The following SP4 variants were observed in gnomAD, a reference collection of about 807,000 sequenced individuals.
The protein encoded by SP4 is transcription factor Sp4.
Under a neutral mutation model 72.8 loss-of-function variants are expected in SP4, and 19 were observed. The ratio of observed to expected loss-of-function variants is 0.26; its 90% CI spans 0.18 to 0.38. SP4 has a LOEUF of 0.38. SP4 is among the 10% of genes least tolerant of loss of function. The pLI, the probability that SP4 is intolerant of heterozygous loss-of-function variation, is 1.00. For missense variants in SP4, 1,008 were observed against 926.3 expected (o/e 1.09, Z -1.14); for synonymous variants, 395 against 333.1 (o/e 1.19, Z -2.02).
At chr7:21,476,685 G>T (rs964042107) in intron 3 of SP4, among the ~76,000 whole-genome samples, 2 of 152,108 alleles carry the variant, frequency 1.3e-5, no homozygotes, top group African/African-American at 4.8e-5. Context: ...GTTGCTTACC[G>T]TGGAAATGGT....
At chr7:21,446,668 G>A (rs1783436717) in intron 3 of SP4, among the ~76,000 whole-genome samples, 1 of 152,128 alleles carries the variant, frequency 6.6e-6, no homozygotes, top group Non-Finnish European at 1.5e-5. Context: ...CAAATATGTA[G>A]GTACTAAATC....
chr7:21,441,137 A>C (rs1470710760), intron 3 of SP4, among the ~76,000 whole-genome samples: 1 of 152,234 alleles, frequency 6.6e-6, no homozygotes, highest in Non-Finnish European at 1.5e-5. Context: ...GTTAGTGGGG[A>C]GTAAACAAGA....
At chr7:21,462,291 A>G (rs1784020061) in intron 3 of SP4, among the ~76,000 whole-genome samples, 2 of 152,122 alleles carry the variant, frequency 1.3e-5, no homozygotes, top group Non-Finnish European at 1.5e-5. Context: ...TTTCGGGACC[A>G]TAGTATTGAC....
intron 3 of SP4, among the ~76,000 whole-genome samples, chr7:21,459,665 C>T (rs1478140458): frequency 6.6e-6 from 1 of 152,192 alleles, no homozygotes; most frequent in Non-Finnish European, 1.5e-5. Flanking sequence ...ATACCTGATT[C>T]TGTGATTGCC....
At chr7:21,446,858 A>G (rs1008020307) in intron 3 of SP4, among the ~76,000 whole-genome samples, 2 of 151,778 alleles carry the variant, frequency 1.3e-5, no homozygotes, top group Non-Finnish European at 2.9e-5. Flanking sequence ...CTGGGTTCCA[A>G]AAAATGTTTT....
At chr7:21,476,080 G>A (rs187446938) in intron 3 of SP4, among the ~76,000 whole-genome samples, 1 of 152,038 alleles carries the variant, frequency 6.6e-6, no homozygotes, top group East Asian at 1.9e-4. Flanking sequence ...AGACCAGCCT[G>A]GCAAACATGG....
chr7:21,511,257 G>A lies in SP4; in HGVS notation c.2343G>A (p.Met781Ile), dbSNP rs771495904. 1 of 1,613,874 alleles carries A rather than the reference G, an allele frequency of 6.2e-7. No individual in the cohort carries two copies. Among genetic ancestry groups the A allele is most frequent in the Non-Finnish European group, 8.5e-7 (1 of 1,179,862 alleles). Residue 781 changes from methionine to isoleucine, a missense_variant, in exon 6 of 6, where the codon ATG becomes ATA. Physicochemically the swap from Met to Ile is conservative, Grantham distance 10. Transcript: ENST00000222584. ...NPATPNVSTNMEEF is the reference protein window; with the variant it reads ...NPATPNVSTNIEEF ...CAACTCCCAATGTTTCAACCAACAT[G>A]GAAGAATTCTGAAAAGTTATTTATA... is the stretch of plus-strand genomic sequence containing the variant.
At chr7:21,509,054 A>G (rs1782079527) in intron 5 of SP4, among the ~76,000 whole-genome samples, 1 of 151,914 alleles carries the variant, frequency 6.6e-6, no homozygotes, top group South Asian at 2.1e-4. Context: ...TTTTTCTTCC[A>G]GTGATTGTAC....
At chr7:21,448,351 C>T (rs1447169849) in intron 3 of SP4, among the ~76,000 whole-genome samples, 2 of 152,104 alleles carry the variant, frequency 1.3e-5, no homozygotes, top group Non-Finnish European at 2.9e-5. Context: ...TATTAAGAAT[C>T]CTACTGTTTT....
intron 3 of SP4, among the ~76,000 whole-genome samples, chr7:21,475,449 T>C (rs115736859): frequency 0.052 from 7,863 of 151,244 alleles, 272 homozygotes; most frequent in East Asian, 0.1. Flanking sequence ...GCAGGACCGG[T>C]ATGTTTGTTT....
At chr7:21,434,819 T>C (rs1404838463) in intron 3 of SP4, among the ~76,000 whole-genome samples, 1 of 114,736 alleles carries the variant, frequency 8.7e-6, no homozygotes, top group African/African-American at 3.3e-5. Flanking sequence ...GTGTAATCAT[T>C]TTTTTTTTTT....
chr7:21,486,881 A>G (rs1784829079), intron 5 of SP4, among the ~76,000 whole-genome samples: 1 of 152,188 alleles, frequency 6.6e-6, no homozygotes, highest in Admixed American at 6.5e-5. Flanking sequence ...AAACCACCAC[A>G]ATAATTACTA....
chr7:21,504,680 C>T (rs1251500383), intron 5 of SP4, among the ~76,000 whole-genome samples: 1 of 152,126 alleles, frequency 6.6e-6, no homozygotes, highest in Non-Finnish European at 1.5e-5. Flanking sequence ...TTGTTACAAG[C>T]AAATAATTTT....
chr7:21,446,081 ATACT>A (rs1219177748), intron 3 of SP4, among the ~76,000 whole-genome samples: 1 of 151,154 alleles, frequency 6.6e-6, no homozygotes, highest in Non-Finnish European at 1.5e-5. Context: ...TGGTGTGTGC[ATACT>A]TAGTGTATAT....
intron 3 of SP4, among the ~76,000 whole-genome samples, chr7:21,435,174 G>A (rs1318897366): frequency 6.6e-6 from 1 of 152,172 alleles, no homozygotes; most frequent in African/African-American, 2.4e-5. Context: ...CCTTTTGATT[G>A]ATGAATGAAT....
chr7:21,505,983 TTCC>T (rs149283566), intron 5 of SP4, among the ~76,000 whole-genome samples: 2,567 of 152,264 alleles, frequency 0.017, 33 homozygotes, highest in Non-Finnish European at 0.027. Flanking sequence ...TAATTTTTCT[TTCC>T]TCCTCCTCTG....
At chr7:21,510,941 T>G (rs1782125215) in intron 5 of SP4, 81 bp from the exon 6 acceptor site, 1 of 1,360,952 alleles carries the variant, frequency 7.3e-7, no homozygotes, top group African/African-American at 1.5e-5. Context: ...TCATATAATG[T>G]GACCAGAAGG....
intron 3 of SP4, among the ~76,000 whole-genome samples, chr7:21,460,056 C>G (rs1298025837): frequency 6.6e-6 from 1 of 152,172 alleles, no homozygotes; most frequent in Non-Finnish European, 1.5e-5. Context: ...AAATAAAAGA[C>G]TCCATGAAAC....
chr7:21,452,898 T>C (rs1460150365), intron 3 of SP4, among the ~76,000 whole-genome samples: 1 of 151,830 alleles, frequency 6.6e-6, no homozygotes, highest in Non-Finnish European at 1.5e-5. Context: ...TTCTCCTGCC[T>C]CAGCCTCCTT....
Sources: gnomAD v4.1 joint callset for allele counts (sites outside exome capture counted in the v4.1 genomes callset) on GRCh38, gnomAD v4.1.1 for gene constraint, MANE v1.5 for transcripts, NCBI Gene and HGNC (gene_info 2026-07-23, HGNC 2026-07-21) for gene names.